The following TFEC variants were observed in gnomAD, a reference collection of about 807,000 sequenced individuals.
The protein encoded by TFEC is transcription factor EC, also known as class E basic helix-loop-helix protein 34.
TFEC carries 31 observed loss-of-function variants against 41.6 expected under a neutral mutation model. The ratio of observed to expected loss-of-function variants is 0.74; its 90% CI spans 0.56 to 1.01. The LOEUF is 1.01. TFEC is among the 50% of genes least tolerant of loss of function. TFEC has a pLI of 0.00. For synonymous variants in TFEC, 143 were observed against 140.6 expected, an observed-to-expected ratio of 1.02 and a Z score of -0.12; for missense variants, 402 against 404.1, an observed-to-expected ratio of 0.99 and a Z score of 0.04.
rs1793764445 is a variant in TFEC at position 115,984,434 on chromosome 7, A to C, written c.8T>G (p.Leu3Arg). The change falls in exon 2 of 8, where the codon CTT becomes CGT. Residue 3 changes from leucine to arginine, a missense_variant. Transcript: ENST00000265440. ...AGTTGGATTGATGATCTGATGATCA[A>C]GGGTCATGAAAGAGTTTACTTTCTG... MTLDHQIINPTLK... is the reference protein window; with the variant it reads MTRDHQIINPTLK... The C allele has an allele frequency of 6.2e-7, 1 of 1,614,020 alleles. No homozygotes were observed. The highest frequency in any genetic ancestry group is 8.5e-7 in the Non-Finnish European group (1 of 1,179,986).
At chr7:116,155,127 C>T (rs959824221) in intron 1 of TFEC, among the ~76,000 whole-genome samples, 1 of 152,190 alleles carries the variant, frequency 6.6e-6, no homozygotes, top group African/African-American at 2.4e-5. Flanking sequence ...CCTTGAAAGA[C>T]CTAGTACGAT....
intron 1 of TFEC, among the ~76,000 whole-genome samples, chr7:116,116,170 A>G (rs1482191211): frequency 1.3e-5 from 2 of 151,996 alleles, no homozygotes; most frequent in Non-Finnish European, 2.9e-5. Flanking sequence ...GGTAGATAGT[A>G]AAATAACTAT....
upstream of TFEC, among the ~76,000 whole-genome samples, chr7:116,033,997 T>A (rs76567409): frequency 1.3e-5 from 2 of 152,110 alleles, no homozygotes; most frequent in African/African-American, 4.8e-5. Flanking sequence ...AGCAATGACC[T>A]CTGTCTTGCC....
At chr7:116,087,302 G>A (rs915072244) in intron 3 of TFEC, among the ~76,000 whole-genome samples, 2 of 151,484 alleles carry the variant, frequency 1.3e-5, no homozygotes, top group African/African-American at 2.4e-5. Flanking sequence ...GTCTTCTAAG[G>A]GACTGTTACA....
At chr7:115,993,328 T>C (rs1164673318) in intron 1 of TFEC, among the ~76,000 whole-genome samples, 2 of 152,132 alleles carry the variant, frequency 1.3e-5, no homozygotes, top group African/African-American at 2.4e-5. Context: ...ACCACTCCTA[T>C]TCAACATAGT....
chr7:116,044,822 A>G (rs564856717), intron 3 of TFEC, among the ~76,000 whole-genome samples: 1 of 152,346 alleles, frequency 6.6e-6, no homozygotes, highest in African/African-American at 2.4e-5. Context: ...AAAATACTCC[A>G]CTGGGACAGG....
intron 1 of TFEC, among the ~76,000 whole-genome samples, chr7:116,156,013 TTTTTTG>T (rs1489741023): frequency 2.0e-5 from 3 of 152,176 alleles, no homozygotes; most frequent in Non-Finnish European, 2.9e-5. Flanking sequence ...GATTTCTGAG[TTTTTTG>T]TTTTTGTTTT....
chr7:116,103,973 T>C (rs1797661609), intron 3 of TFEC, among the ~76,000 whole-genome samples: 1 of 152,130 alleles, frequency 6.6e-6, no homozygotes, highest in Admixed American at 6.5e-5. Context: ...AGTCTTTACA[T>C]TTACAGAGGA....
At chr7:116,140,438 AG>A (rs1798517353) in intron 1 of TFEC, among the ~76,000 whole-genome samples, 2 of 152,350 alleles carry the variant, frequency 1.3e-5, no homozygotes, top group Admixed American at 6.5e-5. Context: ...GAGGAATTTT[AG>A]GCTCCAAAGA....
intron 1 of TFEC, among the ~76,000 whole-genome samples, chr7:116,024,510 C>A (rs1015844105): frequency 2.0e-5 from 3 of 152,114 alleles, no homozygotes; most frequent in East Asian, 1.9e-4. Flanking sequence ...ACACTGGAGA[C>A]AACATTACTT....
chr7:116,006,648 G>A (rs1794802420), intron 1 of TFEC, among the ~76,000 whole-genome samples: 1 of 152,144 alleles, frequency 6.6e-6, no homozygotes, highest in Non-Finnish European at 1.5e-5. Context: ...GGACATTTGA[G>A]TTAATGCTGA....
chr7:116,139,510 ATTAT>A (rs1271675337), intron 1 of TFEC, among the ~76,000 whole-genome samples: 1 of 152,202 alleles, frequency 6.6e-6, no homozygotes, highest in Non-Finnish European at 1.5e-5. Flanking sequence ...TTTTATTGTT[ATTAT>A]TTATTGAGTG....
At chr7:116,034,183 T>C (rs554046018), upstream of TFEC, among the ~76,000 whole-genome samples, 1 of 152,236 alleles carries the variant, frequency 6.6e-6, no homozygotes, top group East Asian at 1.9e-4. Flanking sequence ...CTCTCTTCTC[T>C]ATAGTGAAAT....
intron 3 of TFEC, among the ~76,000 whole-genome samples, chr7:116,040,995 T>C (rs1008098256): frequency 3.3e-5 from 5 of 152,142 alleles, no homozygotes; most frequent in African/African-American, 1.2e-4. Flanking sequence ...GCCGGGGAAA[T>C]ATTAACACCT....
intron 3 of TFEC, among the ~76,000 whole-genome samples, chr7:116,057,224 A>C (rs1796451696): frequency 6.6e-6 from 1 of 151,854 alleles, no homozygotes; most frequent in Admixed American, 6.6e-5. Context: ...CAGAGTCAGC[A>C]AAGGGGAACA....
rs1793304071 is a variant in TFEC, at chr7:115,937,825, C to T, written c.*2726G>A. 1 of 151,516 alleles carries T rather than the reference C, an allele frequency of 6.6e-6. No homozygotes were observed. The highest frequency in any genetic ancestry group is 2.4e-5 in the African/African-American group (1 of 41,316). 9.4% of individuals were successfully genotyped at this position (151,516 alleles called of 1,614,324 possible). On this transcript the variant is annotated 3_prime_UTR_variant, in exon 8 of 8. Coordinates refer to ENST00000265440, the MANE Select transcript of TFEC (RefSeq NM_012252.4). ...GATCCAAGAAAACATTCAGGAGATC[C>T]CTAAGATCTCTGAATGCATGTGAAT...
At chr7:116,041,911 C>A (rs182345593) in intron 3 of TFEC, among the ~76,000 whole-genome samples, 1 of 152,080 alleles carries the variant, frequency 6.6e-6, no homozygotes, top group African/African-American at 2.4e-5. Flanking sequence ...AAACAAAGGG[C>A]GAGAGATGCA....
chr7:116,023,463 G>A lies in TFEC; in HGVS notation c.-73+7170C>T, dbSNP rs996011768. On this transcript the variant is annotated intron_variant, in intron 1 of 7. Coordinates refer to ENST00000265440, the MANE Select transcript of TFEC (RefSeq NM_012252.4). ...AAACTGATTTCATAGTGTTTTCTTC[G>A]GTGATTTTTTGGTCATTGATAGAGA... is the stretch of plus-strand genomic sequence containing the variant. 7.2e-5 allele frequency among the ~76,000 whole-genome samples: 11 copies of A among 152,016 alleles called. No homozygotes were observed. The East Asian group carries it at 9.6e-4, about 13-fold the overall frequency.
At chr7:116,156,934 C>A (rs1017141232) in intron 1 of TFEC, among the ~76,000 whole-genome samples, 2 of 152,124 alleles carry the variant, frequency 1.3e-5, no homozygotes, top group Non-Finnish European at 2.9e-5. Flanking sequence ...CTTAAGTTGA[C>A]CTTATTGATA....
Sources: allele counts gnomAD v4.1 joint callset (sites outside exome capture counted in the v4.1 genomes callset), GRCh38; gene constraint gnomAD v4.1.1; transcripts MANE v1.5; gene names NCBI Gene and HGNC (gene_info 2026-07-23, HGNC 2026-07-21).